Variants in DENND5B observed in about 807,000 individuals in gnomAD.
DENND5B encodes the protein DENN domain-containing protein 5B.
Under a neutral mutation model 140.6 loss-of-function variants are expected in DENND5B, and 34 were observed. That is an observed-to-expected ratio of 0.24 (90% CI 0.18 to 0.32). The LOEUF is 0.32. Among genes scored for constraint, DENND5B ranks in the 10% least tolerant of loss-of-function variants. The probability of loss-of-function intolerance (pLI) is 1.00; values close to 1 mark genes in which losing one functional copy is unlikely to be tolerated. For missense variants in DENND5B, 1,142 were observed against 1,560.2 expected (o/e 0.73, Z 4.52); for synonymous variants, 551 against 562.1 (o/e 0.98, Z 0.28).
chr12:31,430,175 AC>A (rs1261052631), intron 8 of DENND5B, among the ~76,000 whole-genome samples: 1 of 149,968 alleles, frequency 6.7e-6, no homozygotes, highest in Non-Finnish European at 1.5e-5. Flanking sequence ...GGCACATGCC[AC>A]CACACCCGGC....
At chr12:31,585,682 G>T (rs1150960) in intron 1 of DENND5B, among the ~76,000 whole-genome samples, 11,859 of 152,176 alleles carry the variant, frequency 0.078, 1,057 homozygotes, top group African/African-American at 0.22. Flanking sequence ...GTCCCTTCAA[G>T]AACTAACGTG....
intron 9 of DENND5B, among the ~76,000 whole-genome samples, chr12:31,425,675 G>A (rs1943196727): frequency 6.6e-6 from 1 of 152,130 alleles, no homozygotes; most frequent in Non-Finnish European, 1.5e-5. Flanking sequence ...TTTTAGGCAA[G>A]AACTTTAATT....
intron 7 of DENND5B, among the ~76,000 whole-genome samples, chr12:31,435,483 A>G (rs1488837019): frequency 6.6e-6 from 1 of 152,118 alleles, no homozygotes; most frequent in Non-Finnish European, 1.5e-5. Flanking sequence ...TCTTCAGCTG[A>G]CAAGCATGTT....
chr12:31,586,570 C>G (rs1180536801), intron 1 of DENND5B, among the ~76,000 whole-genome samples: 2 of 152,172 alleles, frequency 1.3e-5, no homozygotes, highest in African/African-American at 4.8e-5. Flanking sequence ...AAAGAAGTCT[C>G]TTCCATTGCT....
rs768410539 is a variant in DENND5B, at chr12:31,460,329, T to C, written c.957A>G (p.Pro319=). 44 of 1,613,636 alleles carry C rather than the reference T, an allele frequency of 2.7e-5. No homozygotes were observed. The highest frequency in any genetic ancestry group is 3.6e-5 in the Non-Finnish European group (43 of 1,179,868). ...GCACATAAACATGTTGCCATTGAAA[T>C]GGGAACAAAAGTGTGGTGATGCCTT... The part of the protein sequence containing the change: ...VAEGITTLLF[P]FQWQHVYVPI... The change falls in exon 4 of 21, where the codon CCA becomes CCG. Residue 319 remains proline (P), a synonymous_variant. Coordinates refer to ENST00000389082, the MANE Select transcript of DENND5B (RefSeq NM_144973.4).
At chr12:31,560,361 AC>A (rs1357979712) in intron 1 of DENND5B, among the ~76,000 whole-genome samples, 2 of 152,072 alleles carry the variant, frequency 1.3e-5, no homozygotes, top group Non-Finnish European at 2.9e-5. Context: ...CCTTTCTCTC[AC>A]ACCCCGCCTT....
chr12:31,402,787 T>C lies in DENND5B; in HGVS notation c.2804-144A>G, dbSNP rs1202273792. The C allele has an allele frequency of 3.0e-6, 3 of 990,230 alleles. No individual in the cohort carries two copies. The South Asian group carries it at 6.5e-5, about 21-fold the overall frequency. The allele number at this position is 990,230 out of a possible 1,614,324, so 61.3% of individuals were successfully genotyped here. A position where few individuals can be genotyped will look rare whatever the true frequency, so the allele number is the denominator to read the frequency against. ...GATGTACTTATACGAAAAGTTGAGATCATAACCTTTCAGTCTAGAAAGATG... is the reference window on the plus strand; with the variant it reads ...GATGTACTTATACGAAAAGTTGAGACCATAACCTTTCAGTCTAGAAAGATG... On this transcript the variant is annotated intron_variant, in intron 14 of 20. Coordinates refer to ENST00000389082, the MANE Select transcript of DENND5B (RefSeq NM_144973.4).
chr12:31,580,507 A>G (rs952273112), intron 1 of DENND5B, among the ~76,000 whole-genome samples: 2 of 151,446 alleles, frequency 1.3e-5, no homozygotes, highest in African/African-American at 2.4e-5. Context: ...TTTATTTTTA[A>G]TTTTTGAGAC....
Position 31,387,008 on chromosome 12 carries a change from A to T in DENND5B, c.*595T>A, listed in dbSNP as rs74084448. 23,932 of 152,080 alleles carry T rather than the reference A, an allele frequency of 0.16. 2,170 individuals carry two copies. The highest frequency in any genetic ancestry group is 0.25 in the East Asian group (1,299 of 5,174). The allele number at this position is 152,080 out of a possible 1,614,324, so 9.4% of individuals were successfully genotyped here. A position where few individuals can be genotyped will look rare whatever the true frequency, so the allele number is the denominator to read the frequency against. On this transcript the variant is annotated 3_prime_UTR_variant, in exon 21 of 21. Coordinates refer to ENST00000389082, the MANE Select transcript of DENND5B (RefSeq NM_144973.4). ...ATTATATCATCTTGTGCGGACTGAA[A>T]TTTTTTTCCAAAAGACTGGAAAAGT... is the stretch of plus-strand genomic sequence containing the variant.
intron 17 of DENND5B, among the ~76,000 whole-genome samples, chr12:31,393,909 C>G (rs1292920659): frequency 6.6e-6 from 1 of 152,110 alleles, no homozygotes; most frequent in African/African-American, 2.4e-5. Flanking sequence ...ACGCTGGTCT[C>G]GAACTCCTGA....
At chr12:31,465,082 G>T (rs1384367305) in intron 3 of DENND5B, 3 of 152,252 alleles carry the variant, frequency 2.0e-5, no homozygotes, top group Non-Finnish European at 4.4e-5. Flanking sequence ...CAGATCCCAA[G>T]GTGGCAATGG....
intron 5 of DENND5B, among the ~76,000 whole-genome samples, chr12:31,448,733 G>A (rs183583151): frequency 6.6e-6 from 1 of 152,308 alleles, no homozygotes; most frequent in Non-Finnish European, 1.5e-5. Flanking sequence ...CCTGGAAGCT[G>A]GGCATGGTGG....
intron 4 of DENND5B, among the ~76,000 whole-genome samples, chr12:31,458,394 T>G (rs1944877331): frequency 6.6e-6 from 1 of 152,244 alleles, no homozygotes; most frequent in Non-Finnish European, 1.5e-5. Flanking sequence ...AAAATGCATT[T>G]GGCTAGTCTA....
chr12:31,438,573 G>A (rs886727067), intron 7 of DENND5B, among the ~76,000 whole-genome samples: 2 of 147,112 alleles, frequency 1.4e-5, no homozygotes, highest in African/African-American at 5.4e-5. Flanking sequence ...AAAAAGAATC[G>A]GGGGTGATTG....
chr12:31,426,371 C>T lies in DENND5B; in HGVS notation c.2160G>A (p.Leu720=), dbSNP rs770506793. Residue 720 remains leucine (L), a synonymous_variant, in exon 9 of 21, where the codon CTG becomes CTA. Transcript: ENST00000389082. ...SLGKNLRQPK[L]SDLSPAVIAQ... is the part of the protein sequence containing the mutation. ...CAATAACTGCAGGAGAGAGGTCTGACAGTTTGGGTTGCCTCAGGTTTTTTC... is the reference window on the plus strand; with the variant it reads ...CAATAACTGCAGGAGAGAGGTCTGATAGTTTGGGTTGCCTCAGGTTTTTTC... 7.4e-6 allele frequency: 12 copies of T among 1,612,354 alleles called. No individual in the cohort carries two copies. Among genetic ancestry groups the T allele is most frequent in the Non-Finnish European group, 9.3e-6 (11 of 1,179,096 alleles).
At chr12:31,552,507 AT>A (rs1334108021) in intron 1 of DENND5B, among the ~76,000 whole-genome samples, 1 of 152,158 alleles carries the variant, frequency 6.6e-6, no homozygotes, top group Non-Finnish European at 1.5e-5. Context: ...CATCAAGGAT[AT>A]TGGTCTAAAA....
At chr12:31,391,373 T>C (rs1005807530) in intron 19 of DENND5B, among the ~76,000 whole-genome samples, 1 of 152,180 alleles carries the variant, frequency 6.6e-6, no homozygotes, top group Admixed American at 6.5e-5. Context: ...ACCACCCCAT[T>C]TGAAAGACCA....
chr12:31,563,792 C>CATA (rs1187574272), intron 1 of DENND5B, among the ~76,000 whole-genome samples: 1 of 152,092 alleles, frequency 6.6e-6, no homozygotes, highest in Non-Finnish European at 1.5e-5. Context: ...AACTTTTAAT[C>CATA]ATATGCTCTC....
intron 1 of DENND5B, among the ~76,000 whole-genome samples, chr12:31,499,040 A>G (rs1312619435): frequency 6.8e-6 from 1 of 146,008 alleles, no homozygotes; most frequent in Admixed American, 6.7e-5. Context: ...CACTGGCCAA[A>G]AGAAGAGAAT....
Sources: gnomAD v4.1 joint callset for allele counts (sites outside exome capture counted in the v4.1 genomes callset) on GRCh38, gnomAD v4.1.1 for gene constraint, MANE v1.5 for transcripts, NCBI Gene and HGNC (gene_info 2026-07-23, HGNC 2026-07-21) for gene names.